The following PPEF2 variants were observed in gnomAD, a reference collection of about 807,000 sequenced individuals.
The protein encoded by PPEF2 is serine/threonine-protein phosphatase with EF-hands 2.
A neutral mutation model predicts 84.7 loss-of-function variants in PPEF2; 84 were observed. That is an observed-to-expected ratio of 0.99 (90% CI 0.83 to 1.19). PPEF2 has a LOEUF of 1.19. Among genes scored for constraint, PPEF2 ranks in the 50% most tolerant of loss-of-function variants. The pLI is 0.00. For missense variants in PPEF2, 924 were observed against 937.5 expected (o/e 0.99, Z 0.19); for synonymous variants, 346 against 345.2 (o/e 1.00, Z -0.03).
At position 75,884,692 on chromosome 4, in the gene PPEF2, T is replaced by C. The variant is rs1724677501; in HGVS notation, c.648A>G (p.Ser216=). The change falls in exon 8 of 17, where the codon TCA becomes TCG. Residue 216 remains serine (S), a synonymous_variant. Transcript: ENST00000286719. ...CAAAAAGAATCATCAGGATCTCTACTGAATCCTTGCCTCGATCCACAAAGT... is the reference window on the plus strand; with the variant it reads ...CAAAAAGAATCATCAGGATCTCTACCGAATCCTTGCCTCGATCCACAAAGT... ...NGDFVDRGKD[S]VEILMILFAF... The C allele has an allele frequency of 1.9e-6, 3 of 1,613,690 alleles. No homozygotes were observed. In the South Asian group the frequency reaches 3.3e-5, roughly 18 times the overall value.
At chr4:75,889,863 C>T in intron 5 of PPEF2, 94 bp downstream of exon 5, 1 of 1,421,966 alleles carries the variant, frequency 7.0e-7, no homozygotes, top group Non-Finnish European at 9.8e-7. Flanking sequence ...CATGAACACC[C>T]TAAATCTGGG....
At chr4:75,882,525 T>A (rs2149221822) in intron 10 of PPEF2, among the ~76,000 whole-genome samples, 1 of 138,714 alleles carries the variant, frequency 7.2e-6, no homozygotes, top group Non-Finnish European at 1.5e-5. Flanking sequence ...CTAGCCCAAC[T>A]GCAGGTTCTC....
intron 9 of PPEF2, 44 bp from the exon 10 acceptor site, chr4:75,883,119 C>G (rs1252494970): frequency 1.2e-6 from 2 of 1,613,502 alleles, no homozygotes. Flanking sequence ...ATAATTCACT[C>G]AACTTATCTG....
chr4:75,900,535 A>G (rs1725096306), intron 1 of PPEF2, among the ~76,000 whole-genome samples: 1 of 152,188 alleles, frequency 6.6e-6, no homozygotes, highest in South Asian at 2.1e-4. Context: ...GCAAAGGCAC[A>G]TGTGATCCCT....
At position 75,891,665 on chromosome 4, in the gene PPEF2, G is replaced by C. The variant is rs373379414; in HGVS notation, c.224C>G (p.Pro75Arg). ...FFSYLMDHFIPSSHNDRDFLT... is the reference protein window; with the variant it reads ...FFSYLMDHFIRSSHNDRDFLT... ...ATACTCACTGTCGTTGTGGCTGCTG[G>C]GGATGAAGTGATCCATGAGATAGCT... Residue 75 changes from proline to arginine, a missense_variant, in exon 4 of 17, where the codon CCC becomes CGC. Transcript: ENST00000286719. 2 of 1,611,548 alleles carry C rather than the reference G, an allele frequency of 1.2e-6. No individual in the cohort carries two copies. The highest frequency in any genetic ancestry group is 1.7e-6 in the Non-Finnish European group (2 of 1,178,994).
intron 4 of PPEF2, among the ~76,000 whole-genome samples, chr4:75,891,383 T>G (rs577572092): frequency 6.6e-6 from 1 of 152,218 alleles, no homozygotes; most frequent in Admixed American, 6.5e-5. Context: ...CTGCGATTCC[T>G]TTCCTGAATC....
intron 5 of PPEF2, among the ~76,000 whole-genome samples, chr4:75,889,553 G>T (rs76558075): frequency 0.036 from 5,402 of 152,050 alleles, 262 homozygotes; most frequent in African/African-American, 0.11. Flanking sequence ...AGCTCTCATC[G>T]CCTTCTAATA....
Position 75,872,066 on chromosome 4 carries a change from A to C in PPEF2, c.1608T>G (p.Tyr536Ter). Residue 536 changes from tyrosine to a stop codon, truncating the protein, a stop_gained, in exon 13 of 17, where the codon TAT (tyrosine) becomes TAG (stop). Coordinates refer to ENST00000286719, the MANE Select transcript of PPEF2 (RefSeq NM_006239.3). LOFTEE classifies it high-confidence loss of function. Reference protein sequence around the residue: ...GPALTPHIVQYQANKVTHTLT... With the variant: ...GPALTPHIVQ ...GTGTGTGGGTCACCTTGTTAGCTTG[A>C]TACTGCACAATATGTGGGGTCAGGG... is the stretch of plus-strand genomic sequence containing the variant. 6.2e-7 allele frequency: 1 copy of C among 1,613,878 alleles called. No homozygotes were observed. The highest frequency in any genetic ancestry group is 8.5e-7 in the Non-Finnish European group (1 of 1,179,882).
At chr4:75,888,547 G>A (rs1724793399) in intron 5 of PPEF2, among the ~76,000 whole-genome samples, 2 of 151,998 alleles carry the variant, frequency 1.3e-5, no homozygotes, top group Admixed American at 1.3e-4. Flanking sequence ...TGCAAATATT[G>A]AGCTACTTTT....
At chr4:75,899,791 C>T (rs571510216) in intron 1 of PPEF2, among the ~76,000 whole-genome samples, 1 of 107,508 alleles carries the variant, frequency 9.3e-6, no homozygotes, top group African/African-American at 2.9e-5. Flanking sequence ...AACAAAACTG[C>T]TCCTAAATAT....
chr4:75,890,223 G>C (rs1724844762), intron 4 of PPEF2, 91 bp from the exon 5 acceptor site: 8 of 1,423,940 alleles, frequency 5.6e-6, no homozygotes, highest in African/African-American at 1.4e-5. Context: ...GGGCACGGTG[G>C]CTCTCTAATC....
chr4:75,901,530 A>C (rs913895349), intron 1 of PPEF2, among the ~76,000 whole-genome samples: 1 of 152,158 alleles, frequency 6.6e-6, no homozygotes, highest in Non-Finnish European at 1.5e-5. Context: ...CAAAAAAAAA[A>C]AAAGGAAATG....
chr4:75,874,440 C>T (rs929522593), intron 11 of PPEF2, among the ~76,000 whole-genome samples: 10 of 151,878 alleles, frequency 6.6e-5, no homozygotes, highest in African/African-American at 2.4e-4. Context: ...AGATTACAGG[C>T]GTGTGCCACC....
intron 2 of PPEF2, among the ~76,000 whole-genome samples, chr4:75,894,633 G>T (rs1469731267): frequency 2.0e-5 from 3 of 152,210 alleles, no homozygotes; most frequent in Admixed American, 2.0e-4. Context: ...AGGAGCTGGG[G>T]TTTAACACCT....
intron 14 of PPEF2, among the ~76,000 whole-genome samples, 188 bp downstream of exon 14, chr4:75,867,125 A>G (rs2149214784): frequency 1.3e-5 from 2 of 152,262 alleles, no homozygotes; most frequent in Middle Eastern, 6.8e-3. Flanking sequence ...ATATTTTGTT[A>G]AAAGCTTACA....
chr4:75,891,346 C>A (rs935345168), intron 4 of PPEF2, among the ~76,000 whole-genome samples: 2 of 152,136 alleles, frequency 1.3e-5, no homozygotes, highest in African/African-American at 2.4e-5. Flanking sequence ...TGCACTGTTT[C>A]CTAGGCACAC....
rs961366797 is a variant in PPEF2 at position 75,860,445 on chromosome 4, T to C, written c.*222A>G. ...AAAACACTATACCTAAGTTCTACTT[T>C]GTGAAGATTGTGAGGTGGGGTTGGG... On this transcript the variant is annotated 3_prime_UTR_variant, in exon 17 of 17. Coordinates refer to ENST00000286719, the MANE Select transcript of PPEF2 (RefSeq NM_006239.3). 2 of 579,378 alleles carry C rather than the reference T, an allele frequency of 3.5e-6. No individual in the cohort carries two copies. Among genetic ancestry groups the C allele is most frequent in the Non-Finnish European group, 6.0e-6 (2 of 331,132 alleles). The allele number at this position is 579,378 out of a possible 1,614,324, so 35.9% of individuals were successfully genotyped here.
chr4:75,877,606 T>A (rs1246541118), intron 10 of PPEF2, among the ~76,000 whole-genome samples: 2 of 151,996 alleles, frequency 1.3e-5, no homozygotes, highest in Non-Finnish European at 2.9e-5. Flanking sequence ...GACAGCAATA[T>A]GACATTGTCA....
At position 75,894,769 on chromosome 4, in the gene PPEF2, C is replaced by T. The variant is rs574687182; in HGVS notation, c.55+1502G>A. ...CGTGATCTAATAAATCTCTGCCTAC[C>T]GGCCCCTGTGGTAGCAGGAGCTGAG... On this transcript the variant is annotated intron_variant, in intron 2 of 16. Coordinates refer to ENST00000286719, the MANE Select transcript of PPEF2 (RefSeq NM_006239.3). 3.3e-5 allele frequency among the ~76,000 whole-genome samples: 5 copies of T among 152,266 alleles called. No individual in the cohort carries two copies. In the East Asian group the frequency reaches 5.8e-4, roughly 18 times the overall value.
Sources: allele counts gnomAD v4.1 joint callset (sites outside exome capture counted in the v4.1 genomes callset), GRCh38; gene constraint gnomAD v4.1.1; transcripts MANE v1.5; gene names NCBI Gene and HGNC (gene_info 2026-07-23, HGNC 2026-07-21).